Variants in PITPNM2 observed in about 807,000 individuals in gnomAD.
The protein encoded by PITPNM2 is membrane-associated phosphatidylinositol transfer protein 2.
A neutral mutation model predicts 132.2 loss-of-function variants in PITPNM2; 35 were observed. The observed-to-expected ratio is 0.26, with a 90% confidence interval of 0.20 to 0.35. The LOEUF (loss-of-function observed/expected upper bound fraction) is 0.35. Among genes scored for constraint, PITPNM2 ranks in the 10% least tolerant of loss-of-function variants. The pLI is 1.00. For synonymous variants in PITPNM2, 738 were observed against 799.2 expected, an observed-to-expected ratio of 0.92 and a Z score of 1.29; for missense variants, 1,332 against 1,912.0, an observed-to-expected ratio of 0.70 and a Z score of 5.66.
At chr12:123,094,382 G>T (rs1298697103) in intron 2 of PITPNM2, among the ~76,000 whole-genome samples, 1 of 152,188 alleles carries the variant, frequency 6.6e-6, no homozygotes, top group Middle Eastern at 3.2e-3. Flanking sequence ...CCTCGGAAAG[G>T]CCCCATGTCT....
rs1020338780 is a variant in PITPNM2 at position 122,993,812 on chromosome 12, T to C, written c.2233+989A>G. Among the ~76,000 whole-genome samples, 4 of 152,162 alleles carry C rather than the reference T, an allele frequency of 2.6e-5. No individual in the cohort carries two copies. The highest frequency in any genetic ancestry group is 6.5e-5 in the Admixed American group (1 of 15,282). On this transcript the variant is annotated intron_variant, in intron 15 of 25. Coordinates refer to ENST00000320201, the MANE Select transcript of PITPNM2 (RefSeq NM_020845.3). This position sits in a 1 kb window ranked among gnomAD's most constrained non-coding sequence, Gnocchi z 5.2. ...TACCCATTTCTCTTCCTGGCAGTGC[T>C]GAAGTCGCCAGTTTATGGAAGGGGA... is the stretch of plus-strand genomic sequence containing the variant.
intron 3 of PITPNM2, among the ~76,000 whole-genome samples, chr12:123,029,641 ATGTGTG>A (rs10532248): frequency 1.3e-5 from 2 of 151,164 alleles, no homozygotes; most frequent in African/African-American, 2.4e-5. Flanking sequence ...CTTGTGGTGT[ATGTGTG>A]TGTGTGTGTG....
At chr12:123,007,104 C>T (rs946039708) in intron 6 of PITPNM2, among the ~76,000 whole-genome samples, 1 of 152,186 alleles carries the variant, frequency 6.6e-6, no homozygotes, top group Non-Finnish European at 1.5e-5. Context: ...GCCTTCTGGT[C>T]TCAGCACACA....
rs1465579072 is a variant in PITPNM2, at chr12:123,144,212, G to A, written c.-200+6541C>T. On this transcript the variant is annotated intron_variant, in intron 1 of 25. Transcript: ENST00000320201. ...GTGTCCTTTTTGTGGTCTGTGCAGT[G>A]CCACATTTTTGGCACTTGTGTGCTT... Among the ~76,000 whole-genome samples the A allele has an allele frequency of 4.6e-5, 7 of 152,298 alleles. No homozygotes were observed. The East Asian group carries it at 1.3e-3, about 29-fold the overall frequency.
chr12:123,101,581 G>C (rs150696005), intron 2 of PITPNM2, among the ~76,000 whole-genome samples: 3 of 152,104 alleles, frequency 2.0e-5, no homozygotes. Flanking sequence ...TTATTTTTAC[G>C]TCCAGCACAT....
intron 10 of PITPNM2, among the ~76,000 whole-genome samples, chr12:122,999,617 C>A (rs1052657395): frequency 6.6e-6 from 1 of 151,852 alleles, no homozygotes; most frequent in African/African-American, 2.4e-5. Flanking sequence ...GATCCAGGGA[C>A]CCCCAGAGGC....
chr12:123,001,814 T>C (rs887118967), intron 8 of PITPNM2, among the ~76,000 whole-genome samples: 1 of 152,126 alleles, frequency 6.6e-6, no homozygotes, highest in African/African-American at 2.4e-5. Flanking sequence ...GTGGACTGCT[T>C]GAGGTCAGGA....
At chr12:123,057,052 C>T (rs1337138696) in intron 2 of PITPNM2, among the ~76,000 whole-genome samples, 1 of 152,010 alleles carries the variant, frequency 6.6e-6, no homozygotes, top group East Asian at 1.9e-4. Context: ...CCTTCCTAAC[C>T]GGGGAGCATA....
In PITPNM2 at chr12:122,992,967, A is replaced by G. The variant is rs372787303; in HGVS notation, c.2234-298T>C. 5.2e-4 allele frequency among the ~76,000 whole-genome samples: 79 copies of G among 152,196 alleles called. No homozygotes were observed. Among genetic ancestry groups the G allele is most frequent in the African/African-American group, 1.9e-3 (78 of 41,518 alleles). ...CAGCCTCCTGAGTAGCTGGGACCAC[A>G]GGTGTGCACCACCACACCTGGCTTT... On this transcript the variant is annotated intron_variant, in intron 15 of 25. Coordinates refer to ENST00000320201, the MANE Select transcript of PITPNM2 (RefSeq NM_020845.3). This position sits in a 1 kb window ranked among gnomAD's most constrained non-coding sequence, Gnocchi z 6.5.
intron 6 of PITPNM2, chr12:123,007,512 G>C (rs1160357568): frequency 4.8e-6 from 2 of 415,364 alleles, no homozygotes; most frequent in South Asian, 3.4e-5. Context: ...GCCACGCCAG[G>C]CTCCCAGGCT....
chr12:123,148,134 C>T (rs2043655954), intron 1 of PITPNM2, among the ~76,000 whole-genome samples: 1 of 152,086 alleles, frequency 6.6e-6, no homozygotes, highest in Non-Finnish European at 1.5e-5. Flanking sequence ...TCCAGGGTAC[C>T]AGTAAAAGCT....
Position 123,023,462 on chromosome 12 carries a change from T to C in PITPNM2, c.79-9420A>G, listed in dbSNP as rs1018301020. On this transcript the variant is annotated intron_variant, in intron 3 of 25. Coordinates refer to ENST00000320201, the MANE Select transcript of PITPNM2 (RefSeq NM_020845.3). The surrounding 1 kb of genome is among the most constrained non-coding windows in gnomAD (Gnocchi z 4.8). ...TCCTCAAGATGACCTACTTGTGGTATACATGGGGAAACTGAGGGCCAGGGA... is the reference window on the plus strand; with the variant it reads ...TCCTCAAGATGACCTACTTGTGGTACACATGGGGAAACTGAGGGCCAGGGA... Among the ~76,000 whole-genome samples the C allele has an allele frequency of 2.6e-5, 4 of 152,076 alleles. No individual in the cohort carries two copies. Among genetic ancestry groups the C allele is most frequent in the South Asian group, 2.1e-4 (1 of 4,820 alleles).
intron 2 of PITPNM2, among the ~76,000 whole-genome samples, chr12:123,035,937 C>T (rs1185800102): frequency 6.6e-6 from 1 of 152,186 alleles, no homozygotes; most frequent in African/African-American, 2.4e-5. Flanking sequence ...CAGCTCACTG[C>T]AGCCTTGATC....
Position 123,034,487 on chromosome 12 carries a change from TGACCCACCCTTGCCCCAC to T in PITPNM2, c.78+8_78+25del, listed in dbSNP as rs754878794. ...GCTGGCGCGACCCACCCTCACCCCA[TGACCCACCCTTGCCCCAC>T]GACCCACCTGTATCATGTACAGCTG... On this transcript the variant is annotated splice_region_variant and intron_variant, in intron 3 of 25. Transcript: ENST00000320201. The T allele has an allele frequency of 8.9e-6, 13 of 1,468,554 alleles. No homozygotes were observed. Among genetic ancestry groups the T allele is most frequent in the South Asian group, 7.9e-5 (7 of 88,394 alleles). The allele number at this position is 1,468,554 out of a possible 1,614,324, so 91.0% of individuals were successfully genotyped here.
chr12:123,135,049 A>G (rs2043347433), intron 1 of PITPNM2, among the ~76,000 whole-genome samples: 1 of 152,186 alleles, frequency 6.6e-6, no homozygotes, highest in South Asian at 2.1e-4. Flanking sequence ...GTGGACAGAC[A>G]TTCTCATGGA....
chr12:123,140,644 C>T lies in PITPNM2; in HGVS notation c.-200+10109G>A, dbSNP rs946519536. Among the ~76,000 whole-genome samples, 10 of 152,110 alleles carry T rather than the reference C, an allele frequency of 6.6e-5. No individual in the cohort carries two copies. In the South Asian group the frequency reaches 1.7e-3, roughly 25 times the overall value. On this transcript the variant is annotated intron_variant, in intron 1 of 25. Transcript: ENST00000320201. ...CCAGCTGTCACCCAGCCAGTCTGAA[C>T]GTTGTTCTCCCTTAAAGGGAGAAAA...
intron 2 of PITPNM2, among the ~76,000 whole-genome samples, chr12:123,047,804 A>C (rs2040712087): frequency 6.6e-6 from 1 of 151,902 alleles, no homozygotes; most frequent in Non-Finnish European, 1.5e-5. Flanking sequence ...TTTAGCCTCA[A>C]AAAGAGACAG....
intron 1 of PITPNM2, among the ~76,000 whole-genome samples, chr12:123,133,991 T>C (rs1387765149): frequency 6.6e-6 from 1 of 151,928 alleles, no homozygotes; most frequent in Non-Finnish European, 1.5e-5. Flanking sequence ...CCAGCCTCAT[T>C]ACTCTGAAAA....
rs1333689747 is a variant in PITPNM2, at chr12:122,985,072, G to C, written c.*955C>G. ...AGGTGAGGCAAGGAGCCCATGCCTCGCTAAGTGGGCAGGAGCAGGGCCCAC... is the reference window on the plus strand; with the variant it reads ...AGGTGAGGCAAGGAGCCCATGCCTCCCTAAGTGGGCAGGAGCAGGGCCCAC... On this transcript the variant is annotated 3_prime_UTR_variant, in exon 26 of 26. Coordinates refer to ENST00000320201, the MANE Select transcript of PITPNM2 (RefSeq NM_020845.3). The C allele has an allele frequency of 1.3e-5, 2 of 152,526 alleles. No individual in the cohort carries two copies. The highest frequency in any genetic ancestry group is 4.8e-5 in the African/African-American group (2 of 41,448). 9.4% of individuals were successfully genotyped at this position (152,526 alleles called of 1,614,324 possible).
Sources: allele counts gnomAD v4.1 joint callset (sites outside exome capture counted in the v4.1 genomes callset), GRCh38; gene constraint gnomAD v4.1.1; non-coding constraint Gnocchi (gnomAD v3.1); transcripts MANE v1.5; gene names NCBI Gene and HGNC (gene_info 2026-07-23, HGNC 2026-07-21).